SZRD1: variants seen among roughly 807,000 people sequenced by gnomAD.
The protein encoded by SZRD1 is SUZ RNA binding domain containing 1.
A neutral mutation model predicts 17.6 loss-of-function variants in SZRD1; 7 were observed. The ratio of observed to expected loss-of-function variants is 0.40; its 90% CI spans 0.23 to 0.75. SZRD1 has a LOEUF of 0.75. Ranked by LOEUF, SZRD1 falls within the 30% of genes least tolerant of loss-of-function variation. The pLI, the probability that SZRD1 is intolerant of heterozygous loss-of-function variation, is 0.38. For synonymous variants in SZRD1, 77 were observed against 77.9 expected (o/e 0.99, Z 0.06); for missense variants, 178 against 201.8 (o/e 0.88, Z 0.71).
chr1:16,369,763 C>A (rs1319235149), intron 1 of SZRD1, among the ~76,000 whole-genome samples: 3 of 151,966 alleles, frequency 2.0e-5, no homozygotes, highest in Admixed American at 6.6e-5. Flanking sequence ...ATGGTACATA[C>A]CTGTAATCCT....
chr1:16,372,472 C>CA (rs1020487202), intron 1 of SZRD1, among the ~76,000 whole-genome samples: 11 of 149,188 alleles, frequency 7.4e-5, no homozygotes, highest in South Asian at 6.4e-4. Flanking sequence ...GACTCTGTCT[C>CA]AAAAAAAAAG....
rs2085215720 is a variant in SZRD1 at position 16,391,168 on chromosome 1, A to G, written c.52-207A>G. ...CTGAACAATGAGGTTTAGAACTGTC[A>G]TGGCGGCCATGGGGCTAGAAGGGAG... On this transcript the variant is annotated intron_variant, in intron 1 of 3. Coordinates refer to ENST00000401088, the MANE Select transcript of SZRD1 (RefSeq NM_001114600.3). The surrounding 1 kb of genome is among the most constrained non-coding windows in gnomAD (Gnocchi z 4.3). 6.6e-6 allele frequency among the ~76,000 whole-genome samples: 1 copy of G among 152,170 alleles called. No individual in the cohort carries two copies. Among genetic ancestry groups the G allele is most frequent in the African/African-American group, 2.4e-5 (1 of 41,440 alleles).
chr1:16,376,499 A>G (rs1185723218), intron 1 of SZRD1, among the ~76,000 whole-genome samples: 1 of 152,190 alleles, frequency 6.6e-6, no homozygotes, highest in Non-Finnish European at 1.5e-5. Context: ...GGCCAAGTGG[A>G]AAAAGATAAC....
At position 16,396,214 on chromosome 1, in the gene SZRD1, A is replaced by C. The variant is rs1453370772; in HGVS notation, c.*1074A>C. On this transcript the variant is annotated 3_prime_UTR_variant, in exon 4 of 4. Transcript: ENST00000401088. ...TCTGCCTCGTATGTTCAGAAGGTGG[A>C]TAGGTCTTCCCACTCCAGCATGGCT... 6.6e-6 allele frequency: 1 copy of C among 152,406 alleles called. No homozygotes were observed. The highest frequency in any genetic ancestry group is 1.5e-5 in the Non-Finnish European group (1 of 68,088). The allele number at this position is 152,406 out of a possible 1,614,324, so 9.4% of individuals were successfully genotyped here.
intron 1 of SZRD1, among the ~76,000 whole-genome samples, chr1:16,384,327 C>CGA (rs1204708791): frequency 3.3e-5 from 5 of 150,884 alleles, no homozygotes; most frequent in African/African-American, 1.2e-4. Context: ...TCACTTGAGC[C>CGA]CACAGTTCAA....
chr1:16,397,115 T>A lies in SZRD1; in HGVS notation c.*1975T>A, dbSNP rs2085325390. On this transcript the variant is annotated 3_prime_UTR_variant, in exon 4 of 4. Coordinates refer to ENST00000401088, the MANE Select transcript of SZRD1 (RefSeq NM_001114600.3). This position sits in a 1 kb window ranked among gnomAD's most constrained non-coding sequence, Gnocchi z 5.4. The stretch of plus-strand genomic sequence containing the variant: ...GTCCAGGTGGGAACGCCAGAAGTGC[T>A]GATTGCCCAGCCATTGGGACCACCT... 1.3e-5 allele frequency: 2 copies of A among 152,276 alleles called. No homozygotes were observed. Among genetic ancestry groups the A allele is most frequent in the Non-Finnish European group, 2.9e-5 (2 of 68,058 alleles). The allele number at this position is 152,276 out of a possible 1,614,324, so 9.4% of individuals were successfully genotyped here.
intron 1 of SZRD1, chr1:16,387,047 C>T (rs147114360): frequency 2.1e-5 from 6 of 283,332 alleles, no homozygotes; most frequent in South Asian, 2.0e-4. Flanking sequence ...ACTTTGTCTG[C>T]CAAACAGGGC....
At chr1:16,389,132 G>A (rs2085179101) in intron 1 of SZRD1, among the ~76,000 whole-genome samples, 1 of 143,096 alleles carries the variant, frequency 7.0e-6, no homozygotes, top group Admixed American at 7.2e-5. Context: ...CGCCCAGGCT[G>A]GAGTGCAGTG....
chr1:16,390,349 A>G (rs531555720), intron 1 of SZRD1, among the ~76,000 whole-genome samples: 20 of 152,328 alleles, frequency 1.3e-4, no homozygotes, highest in Non-Finnish European at 2.4e-4. Flanking sequence ...TCAGACTGCC[A>G]TGAGCCCAAT....
intron 1 of SZRD1, chr1:16,367,630 C>T (rs1180033775): frequency 2.2e-5 from 9 of 418,124 alleles, no homozygotes; most frequent in Non-Finnish European, 3.0e-5. Flanking sequence ...TGACTCTTTC[C>T]GATGAGCCTT....
chr1:16,374,476 G>A (rs2082965730), intron 1 of SZRD1, among the ~76,000 whole-genome samples: 1 of 152,224 alleles, frequency 6.6e-6, no homozygotes, highest in Non-Finnish European at 1.5e-5. Context: ...GGTATCAAGA[G>A]AGCTGCCATG....
intron 1 of SZRD1, among the ~76,000 whole-genome samples, chr1:16,381,463 A>G (rs1433917813): frequency 6.6e-6 from 1 of 151,544 alleles, no homozygotes; most frequent in Non-Finnish European, 1.5e-5. Context: ...AGGCTGAGAC[A>G]GGAGAATCGC....
chr1:16,387,081 C>A, intron 1 of SZRD1: 1 of 318,520 alleles, frequency 3.1e-6, no homozygotes. Context: ...AAATGAATGT[C>A]TGGGGAAGAA....
chr1:16,375,943 T>G (rs1318346316), intron 1 of SZRD1, among the ~76,000 whole-genome samples: 1 of 152,214 alleles, frequency 6.6e-6, no homozygotes, highest in Non-Finnish European at 1.5e-5. Flanking sequence ...CAGTAGTGTT[T>G]CTGCTATCTA....
chr1:16,390,931 G>A (rs562641802), intron 1 of SZRD1, among the ~76,000 whole-genome samples: 1 of 152,254 alleles, frequency 6.6e-6, no homozygotes, highest in East Asian at 1.9e-4. Flanking sequence ...GGTGAGGCAT[G>A]CTCAGAAGCT....
Position 16,371,483 on chromosome 1 carries a change from A to G in SZRD1, c.51+4175A>G, listed in dbSNP as rs1258804142. Among the ~76,000 whole-genome samples, 2 of 120,504 alleles carry G rather than the reference A, an allele frequency of 1.7e-5. 1 individual carries two copies. The highest frequency in any genetic ancestry group is 6.6e-5 in the African/African-American group (2 of 30,198). The allele number at this position is 120,504 out of a possible 152,430, so 79.1% of individuals were successfully genotyped here. Reference sequence around the variant, plus strand: ...TTTCCCCTTTTTTTTTTTTCCCGAGATGGAGTCTTGCTCTGTCGCCCAGGC... The same window carrying G: ...TTTCCCCTTTTTTTTTTTTCCCGAGGTGGAGTCTTGCTCTGTCGCCCAGGC... On this transcript the variant is annotated intron_variant, in intron 1 of 3. Coordinates refer to ENST00000401088, the MANE Select transcript of SZRD1 (RefSeq NM_001114600.3).
intron 1 of SZRD1, among the ~76,000 whole-genome samples, chr1:16,380,290 C>T (rs1250692735): frequency 1.3e-5 from 2 of 151,602 alleles, no homozygotes; most frequent in African/African-American, 4.8e-5. Flanking sequence ...GCCTGAGCAA[C>T]ATAGAGAGAC....
intron 1 of SZRD1, among the ~76,000 whole-genome samples, chr1:16,389,703 C>T (rs1207683836): frequency 6.6e-6 from 1 of 152,212 alleles, no homozygotes; most frequent in East Asian, 1.9e-4. Flanking sequence ...CCTCGGCCTC[C>T]CAAAGTGCTG....
In SZRD1 at chr1:16,397,860, C is replaced by T; in HGVS notation, c.*2720C>T. ...CTGCTCTGCCCCATCTGGGGGTGCC[C>T]TGCTCAGGGATGGGCTGGCAGGGCT... On this transcript the variant is annotated 3_prime_UTR_variant, in exon 4 of 4. Transcript: ENST00000401088. This position sits in a 1 kb window ranked among gnomAD's most constrained non-coding sequence, Gnocchi z 5.4. 2.8e-6 allele frequency: 1 copy of T among 359,744 alleles called. No individual in the cohort carries two copies. The highest frequency in any genetic ancestry group is 2.2e-5 in the African/African-American group (1 of 45,488). 22.3% of individuals were successfully genotyped at this position (359,744 alleles called of 1,614,324 possible). A position where few individuals can be genotyped will look rare whatever the true frequency, so the allele number is the denominator to read the frequency against.
Sources: gnomAD v4.1 joint callset for allele counts (sites outside exome capture counted in the v4.1 genomes callset) on GRCh38, gnomAD v4.1.1 for gene constraint, Gnocchi (gnomAD v3.1) non-coding constraint, MANE v1.5 for transcripts, NCBI Gene and HGNC (gene_info 2026-07-23, HGNC 2026-07-21) for gene names.